SMYD3: variants seen among roughly 807,000 people sequenced by gnomAD.
SMYD3 encodes SET and MYND domain containing 3, also known as histone-lysine N-methyltransferase SMYD3.
Under a neutral mutation model 57.7 loss-of-function variants are expected in SMYD3, and 36 were observed. The ratio of observed to expected loss-of-function variants is 0.62; its 90% confidence interval spans 0.48 to 0.82. The LOEUF (loss-of-function observed/expected upper bound fraction) is 0.82, where lower values mean the gene tolerates loss of function less well. SMYD3 is among the 40% of genes least tolerant of loss of function. The pLI is 0.00. For missense variants in SMYD3, 515 were observed against 538.8 expected (o/e 0.96, Z 0.44); for synonymous variants, 211 against 195.0 (o/e 1.08, Z -0.68).
intron 10 of SMYD3, among the ~76,000 whole-genome samples, chr1:245,827,586 G>T (rs1482461734): frequency 6.6e-6 from 1 of 150,990 alleles, no homozygotes. Context: ...GGCTGAATTC[G>T]GTTGGACACA....
intron 5 of SMYD3, among the ~76,000 whole-genome samples, chr1:246,258,165 T>G (rs1350668449): frequency 1.3e-5 from 2 of 152,096 alleles, no homozygotes; most frequent in Non-Finnish European, 2.9e-5. Context: ...GCCTCCCGAG[T>G]AGCTGGGATT....
chr1:246,190,087 C>T (rs565906124), intron 5 of SMYD3, among the ~76,000 whole-genome samples: 1 of 152,284 alleles, frequency 6.6e-6, no homozygotes, highest in African/African-American at 2.4e-5. Context: ...ACAGGCTAGT[C>T]GTCCTTAAAT....
rs183500102 is a variant in SMYD3, at chr1:245,814,695, G to A, written c.1076+43801C>T. On this transcript the variant is annotated intron_variant, in intron 10 of 11. Coordinates refer to ENST00000490107, the MANE Select transcript of SMYD3 (RefSeq NM_001167740.2). ...TTGTGCCGGCTCTGCTAAGAGCTCC[G>A]ATGAGGAATAAACTTTAAGATCTTC... 1.8e-3 allele frequency among the ~76,000 whole-genome samples: 267 copies of A among 152,212 alleles called. 1 individual carries two copies. The highest frequency in any genetic ancestry group is 6.3e-3 in the African/African-American group (261 of 41,536).
chr1:245,928,261 T>C (rs1163031812), intron 6 of SMYD3, among the ~76,000 whole-genome samples: 9 of 152,130 alleles, frequency 5.9e-5, no homozygotes. Context: ...AATTCCGTCA[T>C]TTAATAATAA....
chr1:246,164,987 G>A (rs1184719374), intron 5 of SMYD3, among the ~76,000 whole-genome samples: 1 of 152,208 alleles, frequency 6.6e-6, no homozygotes, highest in African/African-American at 2.4e-5. Context: ...CACAGACAGT[G>A]TGCAGAGAAC....
At chr1:245,947,457 C>T (rs1420881061) in intron 5 of SMYD3, 1 of 456,410 alleles carries the variant, frequency 2.2e-6, no homozygotes, top group Non-Finnish European at 4.4e-6. Flanking sequence ...ATGCCTTCTG[C>T]TACCCCATGT....
intron 5 of SMYD3, among the ~76,000 whole-genome samples, chr1:246,078,187 G>A (rs2788012): frequency 0.37 from 56,675 of 151,842 alleles, 13,422 homozygotes; most frequent in African/African-American, 0.67. Flanking sequence ...TGTTATCCCA[G>A]TTTCACTCTT....
chr1:246,253,274 C>T (rs1309917476), intron 5 of SMYD3, among the ~76,000 whole-genome samples: 2 of 152,192 alleles, frequency 1.3e-5, no homozygotes, highest in Admixed American at 6.5e-5. Flanking sequence ...TGCTCCCTCC[C>T]TCCAACCTCG....
chr1:245,773,652 T>G (rs562039528), intron 10 of SMYD3, among the ~76,000 whole-genome samples: 1 of 152,344 alleles, frequency 6.6e-6, no homozygotes, highest in South Asian at 2.1e-4. Context: ...GTCTCATATA[T>G]GACAGCACTA....
In SMYD3 at chr1:245,938,300, T is replaced by C. The variant is rs371237848; in HGVS notation, c.532-8363A>G. On this transcript the variant is annotated intron_variant, in intron 5 of 11. Coordinates refer to ENST00000490107, the MANE Select transcript of SMYD3 (RefSeq NM_001167740.2). Reference sequence around the variant, plus strand: ...TTGGGGACTAGTGCGTGGCTGTTTCTGGCAGCCAATGACAGGCTAGATGGG... The same window carrying C: ...TTGGGGACTAGTGCGTGGCTGTTTCCGGCAGCCAATGACAGGCTAGATGGG... Among the ~76,000 whole-genome samples the C allele has an allele frequency of 2.3e-3, 348 of 152,316 alleles. 1 individual carries two copies. The highest frequency in any genetic ancestry group is 4.0e-3 in the Non-Finnish European group (270 of 68,014).
At chr1:246,311,213 A>G (rs1249813827) in intron 5 of SMYD3, among the ~76,000 whole-genome samples, 2 of 152,244 alleles carry the variant, frequency 1.3e-5, no homozygotes, top group Non-Finnish European at 1.5e-5. Flanking sequence ...ATTTTTAACT[A>G]TACAGAACAT....
intron 5 of SMYD3, among the ~76,000 whole-genome samples, chr1:246,103,260 C>T (rs1337011776): frequency 1.3e-5 from 2 of 152,116 alleles, no homozygotes; most frequent in African/African-American, 4.8e-5. Flanking sequence ...TTTATATTTT[C>T]CCACTGTCCT....
intron 8 of SMYD3, among the ~76,000 whole-genome samples, chr1:245,881,978 G>A (rs1408551880): frequency 6.6e-6 from 1 of 152,200 alleles, no homozygotes; most frequent in Non-Finnish European, 1.5e-5. Context: ...CCGCACAGGG[G>A]CCTGCTGGTC....
chr1:245,951,357 CAGG>C (rs951156910), intron 5 of SMYD3, among the ~76,000 whole-genome samples: 2 of 144,408 alleles, frequency 1.4e-5, no homozygotes, highest in African/African-American at 5.4e-5. Flanking sequence ...ATCACGAGGT[CAGG>C]AGATCGAGAC....
chr1:246,394,713 C>T (rs775344896), intron 1 of SMYD3, among the ~76,000 whole-genome samples: 4 of 150,682 alleles, frequency 2.7e-5, no homozygotes, highest in African/African-American at 9.8e-5. Context: ...GAGAGGCTCC[C>T]GAACCTAGCT....
Position 245,915,542 on chromosome 1 carries a change from T to C in SMYD3, c.801A>G (p.Gln267=). ...YCFECDCFRC[Q]TQDKDADMLT... ...CCATACTACATACCTTGTCCTGGGT[T>C]TGGCAACGGAAACAGTCACATTCAA... Residue 267 remains glutamine (Q), a synonymous_variant, in exon 8 of 12, where the codon CAA becomes CAG. Transcript: ENST00000490107. 1.2e-6 allele frequency: 2 copies of C among 1,613,024 alleles called. No individual in the cohort carries two copies. Among genetic ancestry groups the C allele is most frequent in the Non-Finnish European group, 8.5e-7 (1 of 1,179,064 alleles).
intron 5 of SMYD3, among the ~76,000 whole-genome samples, chr1:246,192,123 A>G (rs1044795950): frequency 3.3e-5 from 5 of 152,106 alleles, no homozygotes; most frequent in Non-Finnish European, 5.9e-5. Context: ...TGTTGAAACA[A>G]GGTGTCACTC....
intron 8 of SMYD3, among the ~76,000 whole-genome samples, chr1:245,909,754 A>T (rs1014742592): frequency 2.6e-5 from 4 of 152,130 alleles, no homozygotes; most frequent in African/African-American, 9.7e-5. Context: ...TTTCAATAAA[A>T]TTCAATATGC....
intron 5 of SMYD3, among the ~76,000 whole-genome samples, chr1:246,273,135 C>CTTTTTTT (rs71299006): frequency 0.024 from 2,569 of 107,172 alleles, 105 homozygotes; most frequent in Middle Eastern, 0.028. Flanking sequence ...TCCCTGTTTT[C>CTTTTTTT]TTTTTTTTTT....
Sources: allele counts gnomAD v4.1 joint callset (sites outside exome capture counted in the v4.1 genomes callset), GRCh38; gene constraint gnomAD v4.1.1; transcripts MANE v1.5; gene names NCBI Gene and HGNC (gene_info 2026-07-23, HGNC 2026-07-21).